The following COPG2 variants were observed in gnomAD, a reference collection of about 807,000 sequenced individuals.
The protein encoded by COPG2 is coat protein complex I subunit gamma 2, also known as coatomer subunit gamma-2.
A neutral mutation model predicts 46.3 loss-of-function variants in COPG2; 37 were observed. That is an observed-to-expected ratio of 0.80 (90% CI 0.61 to 1.05). COPG2 has a LOEUF of 1.05. Among genes scored for constraint, COPG2 ranks in the 50% least tolerant of loss-of-function variants. The pLI is 0.00. For missense variants in COPG2, 427 were observed against 387.8 expected, an observed-to-expected ratio of 1.10 and a Z score of -0.85; for synonymous variants, 159 against 129.7, an observed-to-expected ratio of 1.23 and a Z score of -1.53.
intron 4 of COPG2, among the ~76,000 whole-genome samples, chr7:130,659,726 A>G (rs1488749045): frequency 1.3e-5 from 2 of 152,160 alleles, no homozygotes; most frequent in African/African-American, 4.8e-5. Context: ...ATCCTGGCCA[A>G]CATGATGAAA....
intron 9 of COPG2, among the ~76,000 whole-genome samples, chr7:130,600,831 C>T (rs1554450254): frequency 2.0e-5 from 3 of 152,102 alleles, no homozygotes; most frequent in Non-Finnish European, 4.4e-5. Flanking sequence ...TCTAGCCAGC[C>T]TCCAAGATGG....
intron 20 of COPG2, among the ~76,000 whole-genome samples, chr7:130,542,161 T>G (rs1793340185): frequency 7.5e-6 from 1 of 133,816 alleles, no homozygotes; most frequent in Non-Finnish European, 1.6e-5. Context: ...AGAGCAAGAG[T>G]GTGGGTGTGA....
intron 20 of COPG2, among the ~76,000 whole-genome samples, chr7:130,514,151 GT>G (rs1799655270): frequency 1.3e-5 from 2 of 152,356 alleles, no homozygotes; most frequent in South Asian, 4.1e-4. Flanking sequence ...AGAAGAACAA[GT>G]GCTTGAAAAG....
chr7:130,607,297 A>C (rs1244247874), intron 9 of COPG2: 3 of 168,500 alleles, frequency 1.8e-5, no homozygotes, highest in African/African-American at 7.2e-5. Flanking sequence ...TCATGGACAA[A>C]TTTATAATAG....
chr7:130,663,026 C>T lies in COPG2; in HGVS notation c.184G>A (p.Gly62Arg). ...LYLLNQGEHFGTTEATEAFFA... is the reference protein window; with the variant it reads ...LYLLNQGEHFRTTEATEAFFA... ...AAGGCTTCTGTAGCTTCCGTTGTTCCAAAGTGTTCACCCTAAGTAAAATTT... is the reference window on the plus strand; with the variant it reads ...AAGGCTTCTGTAGCTTCCGTTGTTCTAAAGTGTTCACCCTAAGTAAAATTT... Residue 62 changes from glycine (G) to arginine (R), a missense_variant, in exon 4 of 24, where the codon GGA becomes AGA. Coordinates refer to ENST00000425248, the MANE Select transcript of COPG2 (RefSeq NM_012133.6). The T allele has an allele frequency of 6.5e-7, 1 of 1,539,426 alleles. No individual in the cohort carries two copies. Among genetic ancestry groups the T allele is most frequent in the Non-Finnish European group, 8.7e-7 (1 of 1,143,750 alleles).
chr7:130,517,660 G>A (rs1383575722), intron 20 of COPG2, among the ~76,000 whole-genome samples: 2 of 152,214 alleles, frequency 1.3e-5, no homozygotes, highest in Non-Finnish European at 2.9e-5. Context: ...AGGGAATCAT[G>A]AGGGAAGTAA....
intron 20 of COPG2, among the ~76,000 whole-genome samples, chr7:130,535,643 T>G (rs1799871317): frequency 4.0e-5 from 1 of 25,028 alleles, no homozygotes; most frequent in Admixed American, 5.9e-4. Context: ...GTGGGCTGGG[T>G]GGAGGGGATG....
At chr7:130,618,002 G>A (rs1215352985) in intron 5 of COPG2, among the ~76,000 whole-genome samples, 1 of 150,548 alleles carries the variant, frequency 6.6e-6, no homozygotes, top group Non-Finnish European at 1.5e-5. Flanking sequence ...TTGGGAGGTT[G>A]AGGTGGGAGG....
intron 20 of COPG2, among the ~76,000 whole-genome samples, chr7:130,514,274 T>C (rs1428213835): frequency 3.3e-5 from 5 of 152,222 alleles, no homozygotes; most frequent in African/African-American, 1.2e-4. Flanking sequence ...TTGAGTAGTT[T>C]GTAGAATGGA....
intron 20 of COPG2, among the ~76,000 whole-genome samples, chr7:130,543,553 A>T (rs1013893073): frequency 6.6e-6 from 1 of 152,230 alleles, no homozygotes; most frequent in East Asian, 1.9e-4. Flanking sequence ...TGTCAGTTCT[A>T]CTAGCTAAGG....
intron 5 of COPG2, among the ~76,000 whole-genome samples, chr7:130,629,561 A>G (rs1336571371): frequency 6.6e-6 from 1 of 151,448 alleles, no homozygotes; most frequent in Non-Finnish European, 1.5e-5. Context: ...TGCCTGGCTA[A>G]TTTTTTGTAT....
intron 5 of COPG2, among the ~76,000 whole-genome samples, chr7:130,626,214 T>C (rs1175709640): frequency 6.6e-6 from 1 of 152,100 alleles, no homozygotes; most frequent in Non-Finnish European, 1.5e-5. Context: ...TATGTAGTTA[T>C]GTAGTGATTT....
chr7:130,558,898 T>C (rs1457667471), intron 12 of COPG2, among the ~76,000 whole-genome samples: 14 of 152,276 alleles, frequency 9.2e-5, no homozygotes, highest in Admixed American at 5.9e-4. Flanking sequence ...ATAGCATATA[T>C]AATAAAAAAA....
chr7:130,531,778 G>A (rs1799827843), intron 20 of COPG2, among the ~76,000 whole-genome samples: 1 of 136,930 alleles, frequency 7.3e-6, no homozygotes, highest in Non-Finnish European at 1.5e-5. Flanking sequence ...GAAGTGCAGG[G>A]AACCAAGGTG....
intron 20 of COPG2, among the ~76,000 whole-genome samples, chr7:130,519,149 T>C (rs1380964797): frequency 1.3e-5 from 2 of 151,874 alleles, no homozygotes; most frequent in African/African-American, 4.8e-5. Context: ...GGGAAGGGTA[T>C]AAGGAGGGCC....
intron 5 of COPG2, among the ~76,000 whole-genome samples, chr7:130,652,332 C>T (rs1245784109): frequency 1.3e-5 from 2 of 152,162 alleles, no homozygotes; most frequent in Non-Finnish European, 2.9e-5. Context: ...ACTCTGTCTC[C>T]TTTGTACAAG....
rs538251569 is a variant in COPG2, at chr7:130,653,427, T to C, written c.244-479A>G. On this transcript the variant is annotated intron_variant, in intron 4 of 23. Transcript: ENST00000425248. ...CACCACCACACCTGGCTAATTTTTG[T>C]ATTTTTAGTAGAGACGGCGTACAGT... Among the ~76,000 whole-genome samples the C allele has an allele frequency of 3.3e-5, 5 of 152,352 alleles. No homozygotes were observed. The South Asian group carries it at 1.0e-3, about 32-fold the overall frequency.
chr7:130,664,949 G>C (rs1184943429), intron 3 of COPG2, among the ~76,000 whole-genome samples: 1 of 152,178 alleles, frequency 6.6e-6, no homozygotes, highest in Non-Finnish European at 1.5e-5. Flanking sequence ...GGGAAGCTGA[G>C]GTGGGCGGAT....
intron 20 of COPG2, among the ~76,000 whole-genome samples, chr7:130,512,042 CTG>C (rs1799604061): frequency 8.3e-6 from 1 of 120,660 alleles, no homozygotes; most frequent in Admixed American, 9.9e-5. Flanking sequence ...TGGTGAAACA[CTG>C]TGTCTTCTAA....
Sources: allele counts gnomAD v4.1 joint callset (sites outside exome capture counted in the v4.1 genomes callset), GRCh38; gene constraint gnomAD v4.1.1; transcripts MANE v1.5; gene names NCBI Gene and HGNC (gene_info 2026-07-23, HGNC 2026-07-21).